The following ZSCAN22 variants were observed in gnomAD, a reference collection of about 807,000 sequenced individuals.
The protein encoded by ZSCAN22 is zinc finger and SCAN domain containing 22, also known as zinc finger and SCAN domain-containing protein 22.
ZSCAN22 carries 7 observed loss-of-function variants against 12.4 expected under a neutral mutation model. The observed-to-expected ratio is 0.57, with a 90% confidence interval of 0.32 to 1.06. The LOEUF (loss-of-function observed/expected upper bound fraction) is 1.06. Among genes scored for constraint, ZSCAN22 ranks in the 50% least tolerant of loss-of-function variants. The pLI is 0.04. For missense variants in ZSCAN22, 576 were observed against 631.7 expected (o/e 0.91, Z 0.94); for synonymous variants, 243 against 255.9 (o/e 0.95, Z 0.48).
chr19:58,330,882 C>A (rs2051715178), intron 1 of ZSCAN22, among the ~76,000 whole-genome samples: 1 of 152,198 alleles, frequency 6.6e-6, no homozygotes, highest in African/African-American at 2.4e-5. Context: ...CATGCCTTCC[C>A]CGTATTTGCA....
In ZSCAN22 at chr19:58,338,242, G is replaced by A. The variant is rs201591852; in HGVS notation, c.404-12G>A. ...GGTAGGAGGAGTGACAGTGTGGTTC[G>A]GACTGTTTCAGGATGGGATCCAGGA... On this transcript the variant is annotated splice_polypyrimidine_tract_variant and intron_variant, in intron 2 of 2. Coordinates refer to ENST00000329665, the MANE Select transcript of ZSCAN22 (RefSeq NM_181846.3). This position sits in a 1 kb window ranked among gnomAD's most constrained non-coding sequence, Gnocchi z 5.4. The A allele has an allele frequency of 4.8e-5, 76 of 1,588,364 alleles. No homozygotes were observed. The highest frequency in any genetic ancestry group is 1.0e-4 in the Admixed American group (6 of 58,840).
intron 1 of ZSCAN22, among the ~76,000 whole-genome samples, chr19:58,327,812 CTG>C (rs1157011426): frequency 6.6e-6 from 1 of 152,146 alleles, no homozygotes; most frequent in Non-Finnish European, 1.5e-5. Flanking sequence ...TTATGAATGA[CTG>C]TGATCAGAAT....
chr19:58,336,572 A>G (rs1395965533), intron 2 of ZSCAN22, among the ~76,000 whole-genome samples: 2 of 152,020 alleles, frequency 1.3e-5, no homozygotes, highest in African/African-American at 4.8e-5. Context: ...AGCAGGGGAG[A>G]CTGCCTGTGG....
Position 58,335,297 on chromosome 19 carries a change from A to C in ZSCAN22, c.403+92A>C. 2.1e-6 allele frequency: 3 copies of C among 1,396,430 alleles called. No individual in the cohort carries two copies. The highest frequency in any genetic ancestry group is 2.8e-6 in the Non-Finnish European group (3 of 1,054,002). 86.5% of individuals were successfully genotyped at this position (1,396,430 alleles called of 1,614,324 possible). On this transcript the variant is annotated intron_variant, in intron 2 of 2. Coordinates refer to ENST00000329665, the MANE Select transcript of ZSCAN22 (RefSeq NM_181846.3). The surrounding 1 kb of genome is among the most constrained non-coding windows in gnomAD (Gnocchi z 4.1). ...ACAGGGCTCTGGTTTGGGGTTGCTC[A>C]TGCACCCATTCTCACATTTGTACTT...
In ZSCAN22 at chr19:58,341,142, G is replaced by A. The variant is rs2147994214; in HGVS notation, c.*1816G>A. 1 of 152,268 alleles carries A rather than the reference G, an allele frequency of 6.6e-6. No homozygotes were observed. The highest frequency in any genetic ancestry group is 3.4e-3 in the Middle Eastern group (1 of 294). The allele number at this position is 152,268 out of a possible 1,614,324, so 9.4% of individuals were successfully genotyped here. A position where few individuals can be genotyped will look rare whatever the true frequency, so the allele number is the denominator to read the frequency against. ...TACATGGATGTCTCCCCAGCAGCTT[G>A]AACCCTGGAGAGCAAGAATAATCTG... On this transcript the variant is annotated 3_prime_UTR_variant, in exon 3 of 3. Coordinates refer to ENST00000329665, the MANE Select transcript of ZSCAN22 (RefSeq NM_181846.3).
At chr19:58,328,746 G>A (rs1291296628) in intron 1 of ZSCAN22, among the ~76,000 whole-genome samples, 1 of 152,150 alleles carries the variant, frequency 6.6e-6, no homozygotes, top group African/African-American at 2.4e-5. Flanking sequence ...GGGTGCAAAA[G>A]AGAACTTGGA....
chr19:58,334,102 A>T lies in ZSCAN22; in HGVS notation c.-51-650A>T, dbSNP rs1418002957. 2.6e-5 allele frequency among the ~76,000 whole-genome samples: 4 copies of T among 152,322 alleles called. No homozygotes were observed. In the East Asian group the frequency reaches 7.7e-4, roughly 29 times the overall value. Reference sequence around the variant, plus strand: ...AAAGTGAGAGAATGACCATGTGGCTACCTGGGGAACAGAGGGAGAAAGACT... The same window carrying T: ...AAAGTGAGAGAATGACCATGTGGCTTCCTGGGGAACAGAGGGAGAAAGACT... On this transcript the variant is annotated intron_variant, in intron 1 of 2. Transcript: ENST00000329665.
Position 58,339,523 on chromosome 19 carries a change from A to T in ZSCAN22, c.*197A>T. 1.7e-6 allele frequency: 1 copy of T among 572,366 alleles called. No individual in the cohort carries two copies. The highest frequency in any genetic ancestry group is 2.8e-5 in the East Asian group (1 of 35,166). 35.5% of individuals were successfully genotyped at this position (572,366 alleles called of 1,614,324 possible). A position where few individuals can be genotyped will look rare whatever the true frequency, so the allele number is the denominator to read the frequency against. On this transcript the variant is annotated 3_prime_UTR_variant, in exon 3 of 3. Transcript: ENST00000329665. This position sits in a 1 kb window ranked among gnomAD's most constrained non-coding sequence, Gnocchi z 5.6. The stretch of plus-strand genomic sequence containing the variant: ...AACCCTGATGAGCACAAGGTGATTC[A>T]GGCCAGCTGGAGAAGCTTCCAGAAG...
chr19:58,330,229 G>A (rs979425287), intron 1 of ZSCAN22, among the ~76,000 whole-genome samples: 1 of 152,196 alleles, frequency 6.6e-6, no homozygotes, highest in Non-Finnish European at 1.5e-5. Flanking sequence ...GGCAGAGCTT[G>A]CAGTGAGCCA....
In ZSCAN22 at chr19:58,335,146, A is replaced by G; in HGVS notation, c.344A>G (p.Lys115Arg). ...GCCTGGGTGGGAGCCCAGAGTCCCA[A>G]GAGCGGAGAGGAAGCCGCTGTGCTG... The part of the protein sequence containing the change: ...IQAWVGAQSP[K>R]SGEEAAVLVE... The change falls in exon 2 of 3, where the codon AAG becomes AGG. Residue 115 changes from lysine to arginine, a missense_variant. Physicochemically the swap from Lys to Arg is conservative, Grantham distance 26. Coordinates refer to ENST00000329665, the MANE Select transcript of ZSCAN22 (RefSeq NM_181846.3). The surrounding 1 kb of genome is among the most constrained non-coding windows in gnomAD (Gnocchi z 4.1). The G allele has an allele frequency of 1.2e-6, 2 of 1,613,652 alleles. No individual in the cohort carries two copies. Among genetic ancestry groups the G allele is most frequent in the East Asian group, 2.2e-5 (1 of 44,850 alleles).
chr19:58,330,839 T>C (rs534120120), intron 1 of ZSCAN22, among the ~76,000 whole-genome samples: 1 of 152,364 alleles, frequency 6.6e-6, no homozygotes, highest in African/African-American at 2.4e-5. Flanking sequence ...TGTTGGTCGC[T>C]GTCCTTCCGT....
intron 2 of ZSCAN22, among the ~76,000 whole-genome samples, chr19:58,336,091 G>A (rs1278356606): frequency 2.0e-5 from 3 of 152,214 alleles, no homozygotes; most frequent in African/African-American, 4.8e-5. Context: ...GCATCATCAA[G>A]GCTCAGTAGA....
rs1271235855 is a variant in ZSCAN22, at chr19:58,339,299, G to A, written c.1449G>A (p.Leu483=). 7.4e-6 allele frequency: 12 copies of A among 1,611,672 alleles called. No individual in the cohort carries two copies. The highest frequency in any genetic ancestry group is 1.0e-5 in the Non-Finnish European group (12 of 1,178,212). Residue 483 remains leucine (L), a synonymous_variant, in exon 3 of 3, where the codon TTG becomes TTA. Coordinates refer to ENST00000329665, the MANE Select transcript of ZSCAN22 (RefSeq NM_181846.3). The surrounding 1 kb of genome is among the most constrained non-coding windows in gnomAD (Gnocchi z 5.6). ...FSRSSALMVH[L]RIHITVLQ ...GTAGCTCAGCCCTGATGGTTCACTT[G>A]CGGATCCACATCACGGTGCTGCAAT...
chr19:58,332,814 T>C (rs2051743381), intron 1 of ZSCAN22, among the ~76,000 whole-genome samples: 1 of 152,208 alleles, frequency 6.6e-6, no homozygotes, highest in African/African-American at 2.4e-5. Context: ...CTTGGGTCTA[T>C]ACGTAGGAGT....
At chr19:58,327,432 C>G (rs375554330) in intron 1 of ZSCAN22, among the ~76,000 whole-genome samples, 2 of 152,286 alleles carry the variant, frequency 1.3e-5, no homozygotes, top group African/African-American at 2.4e-5. Flanking sequence ...GAGAATGTGT[C>G]GGACTGACGG....
At position 58,335,415 on chromosome 19, in the gene ZSCAN22, G is replaced by A. The variant is rs1025181823; in HGVS notation, c.403+210G>A. ...AATGGGCTGAAGCAAAGAAGGGTAAGGAGGCAGCAGATACGGCTATATCCA... is the reference window on the plus strand; with the variant it reads ...AATGGGCTGAAGCAAAGAAGGGTAAAGAGGCAGCAGATACGGCTATATCCA... On this transcript the variant is annotated intron_variant, in intron 2 of 2. Transcript: ENST00000329665. The surrounding 1 kb of genome is among the most constrained non-coding windows in gnomAD (Gnocchi z 4.1). Among the ~76,000 whole-genome samples, 2 of 152,226 alleles carry A rather than the reference G, an allele frequency of 1.3e-5. No individual in the cohort carries two copies. Among genetic ancestry groups the A allele is most frequent in the African/African-American group, 2.4e-5 (1 of 41,456 alleles).
rs908023276 is a variant in ZSCAN22 at position 58,334,757 on chromosome 19, G to C, written c.-46G>C. Reference sequence around the variant, plus strand: ...AAGCTCTGACATTCCTGCAGGCCCAGTTCCAAGGCTCCGGCATCCTGTGTC... The same window carrying C: ...AAGCTCTGACATTCCTGCAGGCCCACTTCCAAGGCTCCGGCATCCTGTGTC... On this transcript the variant is annotated 5_prime_UTR_variant, in exon 2 of 3. Coordinates refer to ENST00000329665, the MANE Select transcript of ZSCAN22 (RefSeq NM_181846.3). 1 of 1,526,572 alleles carries C rather than the reference G, an allele frequency of 6.6e-7. No homozygotes were observed. The highest frequency in any genetic ancestry group is 1.4e-5 in the African/African-American group (1 of 73,382). 94.6% of individuals were successfully genotyped at this position (1,526,572 alleles called of 1,614,324 possible). A position where few individuals can be genotyped will look rare whatever the true frequency, so the allele number is the denominator to read the frequency against.
rs1290477098 is a variant in ZSCAN22 at position 58,329,601 on chromosome 19, C to T, written c.-52+2487C>T. Among the ~76,000 whole-genome samples the T allele has an allele frequency of 1.3e-5, 2 of 152,194 alleles. No homozygotes were observed. The highest frequency in any genetic ancestry group is 2.9e-5 in the Non-Finnish European group (2 of 68,036). On this transcript the variant is annotated intron_variant, in intron 1 of 2. Coordinates refer to ENST00000329665, the MANE Select transcript of ZSCAN22 (RefSeq NM_181846.3). The surrounding 1 kb of genome is among the most constrained non-coding windows in gnomAD (Gnocchi z 4.1). Reference sequence around the variant, plus strand: ...GAAAAGTAATACAGTAGTCACCCCTCATCTTCAGTTTTGGTGAATATAGTA... The same window carrying T: ...GAAAAGTAATACAGTAGTCACCCCTTATCTTCAGTTTTGGTGAATATAGTA...
rs1390700914 is a variant in ZSCAN22, at chr19:58,329,207, GT to G, written c.-52+2094del. 4.7e-4 allele frequency among the ~76,000 whole-genome samples: 58 copies of G among 122,610 alleles called. No homozygotes were observed. The highest frequency in any genetic ancestry group is 2.2e-3 in the African/African-American group (55 of 24,996). The allele number at this position is 122,610 out of a possible 152,430, so 80.4% of individuals were successfully genotyped here. ...GCAGCTTGGCCAGAGGCCACCAGAG[GT>G]CACCAGCGGTCACCAAAAGGTTTCA... On this transcript the variant is annotated intron_variant, in intron 1 of 2. Coordinates refer to ENST00000329665, the MANE Select transcript of ZSCAN22 (RefSeq NM_181846.3). This position sits in a 1 kb window ranked among gnomAD's most constrained non-coding sequence, Gnocchi z 4.1.
Sources: allele counts gnomAD v4.1 joint callset (sites outside exome capture counted in the v4.1 genomes callset), GRCh38; gene constraint gnomAD v4.1.1; non-coding constraint Gnocchi (gnomAD v3.1); transcripts MANE v1.5; gene names NCBI Gene and HGNC (gene_info 2026-07-23, HGNC 2026-07-21).